Variants in SPMIP11 observed in about 807,000 individuals in gnomAD.
The protein encoded by SPMIP11 is sperm microtubule inner protein 11.
At chr12:48,728,889 G>A in the SPMIP11 span, among the ~76,000 whole-genome samples, 3 of 152,124 alleles carry the variant, frequency 2.0e-5, no homozygotes, top group African/African-American at 7.2e-5. Context: ...GATGCTGTTA[G>A]CCATGCTAAG....
chr12:48,759,192 G>A, the SPMIP11 span: 31 of 702,488 alleles, frequency 4.4e-5, no homozygotes, highest in Non-Finnish European at 7.0e-5. Flanking sequence ...CTCAGAACGA[G>A]TCTACTCTAA....
the SPMIP11 span, among the ~76,000 whole-genome samples, chr12:48,746,311 T>TG: frequency 6.6e-6 from 1 of 151,290 alleles, no homozygotes; most frequent in African/African-American, 2.4e-5. Context: ...AAATTAGATT[T>TG]GGGGGCCGGG....
chr12:48,760,755 G>A, the SPMIP11 span, among the ~76,000 whole-genome samples: 1 of 151,208 alleles, frequency 6.6e-6, no homozygotes, highest in Non-Finnish European at 1.5e-5. Flanking sequence ...TCGAACTCCT[G>A]ATCTCAGGTG....
At chr12:48,770,570 A>G in the SPMIP11 span, among the ~76,000 whole-genome samples, 2 of 152,206 alleles carry the variant, frequency 1.3e-5, no homozygotes, top group African/African-American at 2.4e-5. Context: ...TATCAGGATT[A>G]AAATATGCTC....
the SPMIP11 span, among the ~76,000 whole-genome samples, chr12:48,731,092 C>G: frequency 2.4e-3 from 361 of 152,322 alleles, 1 homozygote; most frequent in African/African-American, 8.2e-3. Flanking sequence ...TGATGCAGGT[C>G]TTTTTCCTGT....
the SPMIP11 span, among the ~76,000 whole-genome samples, chr12:48,730,095 A>T: frequency 6.6e-6 from 1 of 152,126 alleles, no homozygotes. Flanking sequence ...CTCACCATGA[A>T]GAAACTGAGT....
At chr12:48,761,684 C>T in the SPMIP11 span, among the ~76,000 whole-genome samples, 3 of 144,848 alleles carry the variant, frequency 2.1e-5, no homozygotes, top group African/African-American at 5.1e-5. Flanking sequence ...TAAAAATAAA[C>T]ATCACATAGC....
the SPMIP11 span, chr12:48,727,608 G>A: frequency 1.4e-6 from 1 of 697,106 alleles, no homozygotes; most frequent in Non-Finnish European, 2.6e-6. Context: ...TCTTTACCTA[G>A]ATGCTTCATA....
chr12:48,736,141 C>G, the SPMIP11 span: 1 of 445,866 alleles, frequency 2.2e-6, no homozygotes, highest in Non-Finnish European at 4.5e-6. Context: ...TGGTAGCTCA[C>G]GCCTGTAATC....
chr12:48,756,777 TTC>T, the SPMIP11 span, among the ~76,000 whole-genome samples: 10 of 132,886 alleles, frequency 7.5e-5, 1 homozygote, highest in Admixed American at 3.0e-4. Context: ...TTTTCTTTTT[TTC>T]TTTTTTTTTT....
At chr12:48,770,052 C>T in the SPMIP11 span, among the ~76,000 whole-genome samples, 38 of 150,408 alleles carry the variant, frequency 2.5e-4, no homozygotes, top group African/African-American at 7.8e-4. Context: ...TGAGCCACTG[C>T]GCCCGGCCTA....
the SPMIP11 span, among the ~76,000 whole-genome samples, chr12:48,749,465 C>G: frequency 6.6e-6 from 1 of 150,762 alleles, no homozygotes; most frequent in African/African-American, 2.4e-5. Context: ...TCTGTCTGTA[C>G]TAAAAATAAA....
At chr12:48,769,037 G>A in the SPMIP11 span, 3 of 1,613,202 alleles carry the variant, frequency 1.9e-6, no homozygotes, top group Non-Finnish European at 2.5e-6. Context: ...GATGACACCT[G>A]CCACGACTGG....
the SPMIP11 span, chr12:48,768,832 C>T: frequency 6.4e-7 from 1 of 1,552,888 alleles, no homozygotes; most frequent in Non-Finnish European, 8.7e-7. Context: ...CCCCACCATA[C>T]ACAGAACACT....
the SPMIP11 span, among the ~76,000 whole-genome samples, chr12:48,763,806 G>A: frequency 6.6e-6 from 1 of 151,324 alleles, no homozygotes; most frequent in Non-Finnish European, 1.5e-5. Flanking sequence ...ATCCTACTGA[G>A]TAGCTGCGAT....
chr12:48,729,227 C>T, the SPMIP11 span, among the ~76,000 whole-genome samples: 1 of 152,040 alleles, frequency 6.6e-6, no homozygotes, highest in East Asian at 1.9e-4. Context: ...TGGTGAAACC[C>T]CATCTCTACT....
At chr12:48,769,929 T>C in the SPMIP11 span, among the ~76,000 whole-genome samples, 5 of 151,852 alleles carry the variant, frequency 3.3e-5, no homozygotes, top group African/African-American at 4.8e-5. Context: ...ACCCGGCTAA[T>C]TTTTTGTATT....
At chr12:48,761,893 T>TA in the SPMIP11 span, among the ~76,000 whole-genome samples, 2 of 149,688 alleles carry the variant, frequency 1.3e-5, no homozygotes, top group Non-Finnish European at 3.0e-5. Context: ...CAGCTCTTTT[T>TA]TTTTTTTTTT....
chr12:48,735,215 C>A, the SPMIP11 span, among the ~76,000 whole-genome samples: 1 of 152,124 alleles, frequency 6.6e-6, no homozygotes, highest in Non-Finnish European at 1.5e-5. Flanking sequence ...AAGACCCTAG[C>A]CCAGCCAACC....
Sources: gnomAD v4.1 joint callset for allele counts (sites outside exome capture counted in the v4.1 genomes callset) on GRCh38, gnomAD v4.1.1 for gene constraint, MANE v1.5 for transcripts, NCBI Gene and HGNC (gene_info 2026-07-23, HGNC 2026-07-21) for gene names.